The following FBXL13 variants were observed in gnomAD, a reference collection of about 807,000 sequenced individuals.
FBXL13 encodes the protein F-box and leucine rich repeat protein 13.
A neutral mutation model predicts 83.6 loss-of-function variants in FBXL13; 67 were observed. The observed-to-expected ratio is 0.80, with a 90% CI of 0.66 to 0.98. FBXL13 has a LOEUF of 0.98. FBXL13 is among the 50% of genes least tolerant of loss of function. The pLI, the probability that FBXL13 is intolerant of heterozygous loss-of-function variation, is 0.00. For synonymous variants in FBXL13, 272 were observed against 299.5 expected, an observed-to-expected ratio of 0.91 and a Z score of 0.95; for missense variants, 822 against 866.5, an observed-to-expected ratio of 0.95 and a Z score of 0.64.
Position 103,066,657 on chromosome 7 carries a change from C to A in FBXL13, c.-105+7589G>T, listed in dbSNP as rs200691083. ...ATCCACCCGCCTCAGCCTCCCAAAG[C>A]GCTGGGATTACAGGCGTGAGCCACT... On this transcript the variant is annotated intron_variant, in intron 1 of 19. Coordinates refer to ENST00000313221, the Ensembl canonical transcript of FBXL13. Among the ~76,000 whole-genome samples the A allele has an allele frequency of 3.3e-5, 5 of 151,970 alleles. 1 individual carries two copies. The South Asian group carries it at 1.0e-3, about 32-fold the overall frequency.
At chr7:102,980,481 A>G (rs1243295491) in intron 6 of FBXL13, among the ~76,000 whole-genome samples, 1 of 152,258 alleles carries the variant, frequency 6.6e-6, no homozygotes, top group Non-Finnish European at 1.5e-5. Context: ...TGACCTAAAT[A>G]TAAGAGCTAA....
At chr7:102,877,354 A>G in intron 16 of FBXL13, 113 bp downstream of exon 17, 1 of 962,556 alleles carries the variant, frequency 1.0e-6, no homozygotes, top group East Asian at 3.2e-5. Flanking sequence ...CTTAACTTTT[A>G]TAATAGAATA....
At chr7:102,927,887 C>T (rs979030046) in intron 9 of FBXL13, among the ~76,000 whole-genome samples, 5 of 152,186 alleles carry the variant, frequency 3.3e-5, no homozygotes, top group African/African-American at 7.2e-5. Context: ...TCTTTGAAAA[C>T]GTTTGGCATG....
At chr7:103,028,631 A>C in exon 4 of FBXL13, 1 of 1,594,294 alleles carries the variant, frequency 6.3e-7, no homozygotes, top group Non-Finnish European at 8.5e-7. Flanking sequence ...CTTCCATATA[A>C]GAGTGCCAGT....
chr7:103,068,896 T>C (rs566486228), intron 1 of FBXL13, among the ~76,000 whole-genome samples: 2 of 152,288 alleles, frequency 1.3e-5, no homozygotes, highest in East Asian at 3.9e-4. Context: ...GCCTCAAACA[T>C]ACAGCCAGCA....
intron 6 of FBXL13, among the ~76,000 whole-genome samples, chr7:103,016,407 T>G (rs1433377042): frequency 6.6e-6 from 1 of 151,888 alleles, no homozygotes; most frequent in Non-Finnish European, 1.5e-5. Flanking sequence ...GACGGGTGAT[T>G]TCTGCACTTC....
intron 11 of FBXL13, among the ~76,000 whole-genome samples, chr7:102,897,982 AT>A: frequency 6.6e-6 from 1 of 152,306 alleles, no homozygotes; most frequent in East Asian, 1.9e-4. Context: ...ATAAAAATTA[AT>A]TACATGGGTA....
chr7:103,053,041 G>C (rs1487711778), intron 2 of FBXL13, among the ~76,000 whole-genome samples: 1 of 152,030 alleles, frequency 6.6e-6, no homozygotes, highest in Non-Finnish European at 1.5e-5. Flanking sequence ...ACAGGCGTGA[G>C]CCACTGCGCC....
chr7:102,930,273 G>T (rs1442256684), intron 9 of FBXL13, among the ~76,000 whole-genome samples: 1 of 152,296 alleles, frequency 6.6e-6, no homozygotes, highest in Non-Finnish European at 1.5e-5. Flanking sequence ...GGTGCCTCAT[G>T]ATTGGCATTC....
intron 6 of FBXL13, among the ~76,000 whole-genome samples, chr7:102,987,508 T>C (rs1829113146): frequency 6.6e-6 from 1 of 152,078 alleles, no homozygotes; most frequent in Non-Finnish European, 1.5e-5. Flanking sequence ...AGATAACTAA[T>C]AGCAAAAATC....
chr7:102,834,039 A>AGGAG (rs1801211037), intron 17 of FBXL13, among the ~76,000 whole-genome samples: 1 of 98,566 alleles, frequency 1.0e-5, no homozygotes, highest in Admixed American at 1.0e-4. Context: ...TGATGAAGGA[A>AGGAG]GGAAGGAAGG....
chr7:103,037,788 C>T (rs1795218364), intron 2 of FBXL13, among the ~76,000 whole-genome samples: 2 of 152,034 alleles, frequency 1.3e-5, no homozygotes, highest in Admixed American at 1.3e-4. Flanking sequence ...GCAAGAGTGA[C>T]AGAGTGAGAC....
chr7:102,954,955 A>T (rs2129477743), intron 8 of FBXL13, among the ~76,000 whole-genome samples: 1 of 152,272 alleles, frequency 6.6e-6, no homozygotes, highest in East Asian at 1.9e-4. Flanking sequence ...AGAGTTTAAC[A>T]CCCCACTGTC....
intron 6 of FBXL13, among the ~76,000 whole-genome samples, chr7:103,010,748 C>T (rs937696926): frequency 7.9e-5 from 12 of 152,216 alleles, no homozygotes; most frequent in African/African-American, 2.9e-4. Context: ...CTTCATTCCT[C>T]TCTACAATCT....
chr7:102,999,237 T>C (rs888492501), intron 6 of FBXL13, among the ~76,000 whole-genome samples: 4 of 152,218 alleles, frequency 2.6e-5, no homozygotes, highest in African/African-American at 7.2e-5. Context: ...TATTTGTGTA[T>C]GTTGAACCAT....
At chr7:103,028,120 T>C (rs80231719) in intron 4 of FBXL13, among the ~76,000 whole-genome samples, 9,032 of 152,254 alleles carry the variant, frequency 0.059, 315 homozygotes, top group South Asian at 0.11. Context: ...TTGGAGGTTA[T>C]ACTGAGTGAG....
At chr7:103,071,498 C>T (rs897312103) in intron 1 of FBXL13, among the ~76,000 whole-genome samples, 1 of 151,726 alleles carries the variant, frequency 6.6e-6, no homozygotes, top group East Asian at 1.9e-4. Flanking sequence ...ATCCTCTCCT[C>T]TCAGCCTCAT....
chr7:102,861,781 C>T (rs903410751), intron 16 of FBXL13, among the ~76,000 whole-genome samples: 5 of 149,646 alleles, frequency 3.3e-5, no homozygotes, highest in South Asian at 2.1e-4. Flanking sequence ...CAGGAGTTCA[C>T]GACCAGCCTG....
At chr7:102,867,931 T>C (rs923832113) in intron 16 of FBXL13, among the ~76,000 whole-genome samples, 4 of 151,632 alleles carry the variant, frequency 2.6e-5, no homozygotes, top group East Asian at 1.9e-4. Flanking sequence ...CTCGATCTCC[T>C]GATCTCATGA....
Sources: allele counts gnomAD v4.1 joint callset (sites outside exome capture counted in the v4.1 genomes callset), GRCh38; gene constraint gnomAD v4.1.1; transcripts MANE v1.5; gene names NCBI Gene and HGNC (gene_info 2026-07-23, HGNC 2026-07-21).